Variants in HYCC2 observed in about 807,000 individuals in gnomAD.
The protein encoded by HYCC2 is hyccin 2.
At chr2:201,067,141 G>C in the HYCC2 span, 1 of 235,606 alleles carries the variant, frequency 4.2e-6, no homozygotes. Flanking sequence ...TGTTTGACTG[G>C]CTCCTGATTA....
the HYCC2 span, chr2:200,977,648 C>G: frequency 6.6e-6 from 1 of 152,136 alleles, no homozygotes; most frequent in Non-Finnish European, 1.5e-5. Context: ...CCCAGGAGTT[C>G]GAGACCAGCC....
chr2:201,056,387 T>C, the HYCC2 span, among the ~76,000 whole-genome samples: 1 of 151,908 alleles, frequency 6.6e-6, no homozygotes, highest in Non-Finnish European at 1.5e-5. Flanking sequence ...TATAAGATGC[T>C]CTGCCAGCCG....
At chr2:201,008,083 G>A in the HYCC2 span, among the ~76,000 whole-genome samples, 1 of 152,130 alleles carries the variant, frequency 6.6e-6, no homozygotes, top group African/African-American at 2.4e-5. Flanking sequence ...TGAATCCTGT[G>A]AGTCCTTCTA....
chr2:201,050,047 C>G, the HYCC2 span, among the ~76,000 whole-genome samples: 2 of 151,048 alleles, frequency 1.3e-5, no homozygotes, highest in Non-Finnish European at 3.0e-5. Flanking sequence ...GAAATCTCTA[C>G]AAAAAATAAA....
At chr2:201,035,926 G>T in the HYCC2 span, among the ~76,000 whole-genome samples, 1 of 152,120 alleles carries the variant, frequency 6.6e-6, no homozygotes, top group Non-Finnish European at 1.5e-5. Context: ...GGATATTGGT[G>T]AACAGCAAAT....
chr2:201,009,126 C>A, the HYCC2 span: 2 of 1,230,002 alleles, frequency 1.6e-6, no homozygotes, highest in South Asian at 1.2e-5. Flanking sequence ...AATGTCTCTA[C>A]CATGAAGTAA....
chr2:200,974,082 T>C, the HYCC2 span: 4 of 152,114 alleles, frequency 2.6e-5, no homozygotes, highest in East Asian at 7.7e-4. Flanking sequence ...TTGTCACTAG[T>C]CCTAGGTTGA....
chr2:201,008,916 T>C, the HYCC2 span: 1 of 1,012,090 alleles, frequency 9.9e-7, no homozygotes, highest in South Asian at 1.3e-5. Flanking sequence ...TTCATTCATA[T>C]ATATATTCAT....
At chr2:201,063,328 T>A in the HYCC2 span, 4 of 1,543,992 alleles carry the variant, frequency 2.6e-6, no homozygotes, top group Non-Finnish European at 3.5e-6. Flanking sequence ...AGAAGGTGGA[T>A]GGAAGAGTCG....
chr2:201,017,859 G>A, the HYCC2 span, among the ~76,000 whole-genome samples: 2 of 152,118 alleles, frequency 1.3e-5, no homozygotes, highest in African/African-American at 4.8e-5. Flanking sequence ...TTGTCTCTAA[G>A]TGCTCAGTGT....
chr2:201,021,165 C>T, the HYCC2 span, among the ~76,000 whole-genome samples: 1 of 152,100 alleles, frequency 6.6e-6, no homozygotes. Flanking sequence ...CAGAATATAA[C>T]AAAATCAGGA....
At chr2:201,066,469 G>C in the HYCC2 span, among the ~76,000 whole-genome samples, 1 of 152,064 alleles carries the variant, frequency 6.6e-6, no homozygotes, top group Non-Finnish European at 1.5e-5. Context: ...CATTTAAAAA[G>C]TATAAACTAA....
chr2:200,980,791 C>G, the HYCC2 span: 1 of 159,428 alleles, frequency 6.3e-6, no homozygotes, highest in African/African-American at 2.4e-5. Context: ...AAAGTCATAG[C>G]AGAATCTCTG....
At chr2:201,024,256 G>A in the HYCC2 span, among the ~76,000 whole-genome samples, 128 of 152,180 alleles carry the variant, frequency 8.4e-4, 1 homozygote, top group African/African-American at 2.7e-3. Context: ...TTGGGAAGCC[G>A]AGGTAGGAGA....
chr2:201,004,213 G>A, the HYCC2 span, among the ~76,000 whole-genome samples: 2 of 152,164 alleles, frequency 1.3e-5, no homozygotes, highest in African/African-American at 4.8e-5. Flanking sequence ...AGGGGTGCCT[G>A]TATGGAAAAA....
the HYCC2 span, chr2:200,997,598 T>C: frequency 1.9e-6 from 2 of 1,079,184 alleles, no homozygotes; most frequent in Non-Finnish European, 2.9e-6. Flanking sequence ...TACTAGCAAC[T>C]GGTTATGACA....
chr2:201,009,468 T>C, the HYCC2 span: 4 of 152,812 alleles, frequency 2.6e-5, no homozygotes, highest in African/African-American at 9.8e-5. Flanking sequence ...AATATCTCTC[T>C]TTTTTTTTTG....
chr2:200,997,329 A>G, the HYCC2 span: 1 of 687,240 alleles, frequency 1.5e-6, no homozygotes, highest in South Asian at 1.9e-5. Flanking sequence ...TGCAAGCTCC[A>G]TGAGTTTTGT....
At chr2:201,000,224 T>A in the HYCC2 span, among the ~76,000 whole-genome samples, 9 of 151,560 alleles carry the variant, frequency 5.9e-5, no homozygotes, top group Middle Eastern at 3.2e-3. Context: ...ATAATTTTTT[T>A]AATTAGCGGG....
Sources: allele counts gnomAD v4.1 joint callset (sites outside exome capture counted in the v4.1 genomes callset), GRCh38; gene constraint gnomAD v4.1.1; transcripts MANE v1.5; gene names NCBI Gene and HGNC (gene_info 2026-07-23, HGNC 2026-07-21).